RBFOX3: variants seen among roughly 807,000 people sequenced by gnomAD.
RBFOX3 encodes RNA binding fox-1 homolog 3.
RBFOX3 carries 17 observed loss-of-function variants against 48.7 expected under a neutral mutation model. The ratio of observed to expected loss-of-function variants is 0.35; its 90% CI spans 0.24 to 0.52. The LOEUF is 0.52. RBFOX3 is among the 20% of genes least tolerant of loss of function. The pLI, the probability that RBFOX3 is intolerant of heterozygous loss-of-function variation, is 0.94. For synonymous variants in RBFOX3, 212 were observed against 209.5 expected, an observed-to-expected ratio of 1.01 and a Z score of -0.10; for missense variants, 382 against 497.5, an observed-to-expected ratio of 0.77 and a Z score of 2.21.
intron 5 of RBFOX3, among the ~76,000 whole-genome samples, chr17:79,110,278 C>A (rs2030576921): frequency 6.6e-6 from 1 of 152,168 alleles, no homozygotes; most frequent in African/African-American, 2.4e-5. Context: ...ATTATGGACA[C>A]CTCCCCAGCC....
chr17:79,172,374 T>C (rs1245407455), intron 4 of RBFOX3, among the ~76,000 whole-genome samples: 4 of 152,210 alleles, frequency 2.6e-5, no homozygotes, highest in Admixed American at 2.0e-4. Flanking sequence ...GAAACCTTTG[T>C]CACAGACACA....
Position 79,296,289 on chromosome 17 carries a change from GAC to G in RBFOX3, c.-74+11433_-74+11434del, listed in dbSNP as rs34588150. Among the ~76,000 whole-genome samples, 35 of 146,454 alleles carry G rather than the reference GAC, an allele frequency of 2.4e-4. No homozygotes were observed. The East Asian group carries it at 2.6e-3, about 11-fold the overall frequency. On this transcript the variant is annotated intron_variant, in intron 3 of 14. Transcript: ENST00000693108. The stretch of plus-strand genomic sequence containing the variant: ...CCCACCCCGCAAAAAGGCACAAACA[GAC>G]ACACACACACACACCACACACACAC...
intron 4 of RBFOX3, among the ~76,000 whole-genome samples, chr17:79,225,086 C>T (rs985410616): frequency 2.0e-5 from 3 of 152,178 alleles, no homozygotes; most frequent in African/African-American, 7.2e-5. Context: ...CATTCACACA[C>T]GTCACCTATG....
Position 79,214,565 on chromosome 17 carries a change from G to A in RBFOX3, c.-34+21201C>T, listed in dbSNP as rs565157972. 2.6e-5 allele frequency among the ~76,000 whole-genome samples: 4 copies of A among 151,942 alleles called. No individual in the cohort carries two copies. The highest frequency in any genetic ancestry group is 4.4e-5 in the Non-Finnish European group (3 of 67,978). On this transcript the variant is annotated intron_variant, in intron 4 of 14. Transcript: ENST00000693108. The surrounding 1 kb of genome is among the most constrained non-coding windows in gnomAD (Gnocchi z 4.7). The stretch of plus-strand genomic sequence containing the variant: ...AGGCCAAGTGGGAGGGATGTCTGGG[G>A]GGGGTCTCGGAGGAAGCAGGAAGGG...
At chr17:79,486,022 C>T (rs994959305) in intron 1 of RBFOX3, among the ~76,000 whole-genome samples, 78 of 152,402 alleles carry the variant, frequency 5.1e-4, no homozygotes, top group Non-Finnish European at 9.7e-4. Flanking sequence ...CGCTCCTGTA[C>T]CCCACGCCCC....
At chr17:79,091,580 C>T (rs1251920529) in intron 14 of RBFOX3, among the ~76,000 whole-genome samples, 1 of 152,200 alleles carries the variant, frequency 6.6e-6, no homozygotes, top group Non-Finnish European at 1.5e-5. Context: ...TGCAGTCTCC[C>T]TAATGCAGGG....
At chr17:79,110,469 C>T (rs1316264086) in intron 5 of RBFOX3, among the ~76,000 whole-genome samples, 4 of 152,208 alleles carry the variant, frequency 2.6e-5, no homozygotes, top group Admixed American at 6.5e-5. Context: ...AGGTGGGACC[C>T]GGTGGCTGTT....
intron 5 of RBFOX3, among the ~76,000 whole-genome samples, chr17:79,112,920 T>TGGGGGGGGGGGG (rs1568152586): frequency 3.4e-5 from 1 of 29,522 alleles, no homozygotes; most frequent in African/African-American, 1.4e-4. Flanking sequence ...GGGGGTGGGC[T>TGGGGGGGGGGGG]GGGTAGGACT....
chr17:79,274,517 T>C (rs2068349706), intron 3 of RBFOX3, among the ~76,000 whole-genome samples: 2 of 152,142 alleles, frequency 1.3e-5, no homozygotes, highest in Admixed American at 6.5e-5. Flanking sequence ...CTTCCGTATC[T>C]GGGCGGGGAG....
chr17:79,273,018 G>A (rs975957981), intron 3 of RBFOX3, among the ~76,000 whole-genome samples: 1 of 152,186 alleles, frequency 6.6e-6, no homozygotes, highest in South Asian at 2.1e-4. Flanking sequence ...TTCAAGGGGC[G>A]CCATGCTGGG....
chr17:79,612,269 C>A (rs987951961), upstream of RBFOX3, among the ~76,000 whole-genome samples: 1 of 152,230 alleles, frequency 6.6e-6, no homozygotes, highest in Admixed American at 6.5e-5. Context: ...AGATCCAAAC[C>A]CGTCCCCATG....
In RBFOX3 at chr17:79,115,655, C is replaced by T. The variant is rs1055293531; in HGVS notation, c.61G>A (p.Glu21Lys). Residue 21 changes from glutamate to lysine, a missense_variant, in exon 5 of 15, where the codon GAG becomes AAG. This residue lies in a region of RBFOX3 where 118 missense variants were observed against 132.1 expected (regional missense o/e 0.89). Transcript: ENST00000693108. ...GGGTGCGGTGGGGGCGGGGCGTACT[C>T]GGCAGGGATGCCGTTCTGTGGCGGA... ...PPPPQNGIPA[E>K]YAPPPPHPTQ... The T allele has an allele frequency of 1.3e-5, 14 of 1,077,376 alleles. No homozygotes were observed. Among genetic ancestry groups the T allele is most frequent in the African/African-American group, 9.7e-5 (4 of 41,272 alleles). 66.7% of individuals were successfully genotyped at this position (1,077,376 alleles called of 1,614,324 possible).
At chr17:79,125,255 G>A (rs745955428) in intron 4 of RBFOX3, among the ~76,000 whole-genome samples, 151 of 152,316 alleles carry the variant, frequency 9.9e-4, no homozygotes, top group Non-Finnish European at 1.7e-3. Context: ...CCTCGCCTGG[G>A]CTGTGCTCTG....
chr17:79,615,891 G>A (rs1472274867), upstream of RBFOX3, among the ~76,000 whole-genome samples: 3 of 152,124 alleles, frequency 2.0e-5, no homozygotes, highest in East Asian at 1.9e-4. Context: ...GGGCAGCTGC[G>A]GTTCCAGAGT....
intron 4 of RBFOX3, among the ~76,000 whole-genome samples, chr17:79,181,930 C>T (rs1389804915): frequency 1.3e-5 from 2 of 151,966 alleles, no homozygotes; most frequent in Non-Finnish European, 2.9e-5. Context: ...CCCAAAGGCC[C>T]AGACCCCTGG....
intron 3 of RBFOX3, among the ~76,000 whole-genome samples, chr17:79,285,197 C>T (rs1361906096): frequency 6.6e-6 from 1 of 152,196 alleles, no homozygotes; most frequent in Admixed American, 6.5e-5. Context: ...GGCTGTAACC[C>T]TCTCCTCGCT....
intron 1 of RBFOX3, among the ~76,000 whole-genome samples, chr17:79,512,496 A>G (rs1193892938): frequency 2.7e-4 from 38 of 141,852 alleles, no homozygotes; most frequent in African/African-American, 1.0e-3. Context: ...CATCGAGTAC[A>G]GCCCCATGGC....
In RBFOX3 at chr17:79,392,638, AGT is replaced by A. The variant is rs1242332762; in HGVS notation, c.-174-84816_-174-84815del. ...TCCAGCCGAAGTTTGCAGAACCAACAGTGTGTGCAGTACCACACCCTCTCTTC... is the reference window on the plus strand; with the variant it reads ...TCCAGCCGAAGTTTGCAGAACCAACAGTGTGCAGTACCACACCCTCTCTTC... On this transcript the variant is annotated intron_variant, in intron 2 of 14. Coordinates refer to ENST00000693108, the MANE Select transcript of RBFOX3 (RefSeq NM_001350451.2). The surrounding 1 kb of genome is among the most constrained non-coding windows in gnomAD (Gnocchi z 5.0). 2.0e-5 allele frequency among the ~76,000 whole-genome samples: 3 copies of A among 152,200 alleles called. No individual in the cohort carries two copies. The highest frequency in any genetic ancestry group is 4.4e-5 in the Non-Finnish European group (3 of 68,036).
At chr17:79,505,278 C>T (rs1424325953) in intron 1 of RBFOX3, among the ~76,000 whole-genome samples, 23 of 152,160 alleles carry the variant, frequency 1.5e-4, no homozygotes, top group East Asian at 1.9e-4. Context: ...TTTCAGTGTA[C>T]GCAGCCCCAT....
Sources: allele counts gnomAD v4.1 joint callset (sites outside exome capture counted in the v4.1 genomes callset), GRCh38; gene constraint gnomAD v4.1.1; regional missense constraint gnomAD v4.1.1; non-coding constraint Gnocchi (gnomAD v3.1); transcripts MANE v1.5; gene names NCBI Gene and HGNC (gene_info 2026-07-23, HGNC 2026-07-21).